Variants in ELL observed in about 807,000 individuals in gnomAD.
The protein encoded by ELL is RNA polymerase II elongation factor ELL.
ELL carries 18 observed loss-of-function variants against 64.0 expected under a neutral mutation model. The observed-to-expected ratio is 0.28, with a 90% CI of 0.19 to 0.42. ELL has a LOEUF of 0.42. Among genes scored for constraint, ELL ranks in the 10% least tolerant of loss-of-function variants. ELL has a pLI of 1.00. For missense variants in ELL, 797 were observed against 870.4 expected (o/e 0.92, Z 1.06); for synonymous variants, 399 against 376.2 (o/e 1.06, Z -0.70).
intron 1 of ELL, among the ~76,000 whole-genome samples, chr19:18,517,400 C>T (rs1450750055): frequency 1.3e-5 from 2 of 152,114 alleles, no homozygotes; most frequent in African/African-American, 4.8e-5. Context: ...AGGCATGCAC[C>T]ACCACGCCTG....
intron 5 of ELL, 131 bp downstream of exon 5, chr19:18,461,447 C>T: frequency 7.0e-7 from 1 of 1,419,460 alleles, no homozygotes; most frequent in South Asian, 1.4e-5. Context: ...GGTTCTGAAC[C>T]TGTGAGAGAC....
At chr19:18,487,113 C>G (rs773050992) in intron 1 of ELL, among the ~76,000 whole-genome samples, 1 of 152,084 alleles carries the variant, frequency 6.6e-6, no homozygotes, top group Non-Finnish European at 1.5e-5. Context: ...CTGCTCAGAC[C>G]CCGCTACCCC....
intron 6 of ELL, among the ~76,000 whole-genome samples, chr19:18,452,135 C>T (rs1974553142): frequency 6.6e-6 from 1 of 152,194 alleles, no homozygotes; most frequent in South Asian, 2.1e-4. Flanking sequence ...GGAAGAAACA[C>T]CCCAGTGCAT....
intron 5 of ELL, 73 bp from the exon 6 acceptor site, chr19:18,458,402 TAG>T: frequency 6.4e-7 from 1 of 1,564,330 alleles, no homozygotes; most frequent in Non-Finnish European, 8.7e-7. Flanking sequence ...AAAGATCTGA[TAG>T]TGGGTTTGGG....
intron 1 of ELL, among the ~76,000 whole-genome samples, chr19:18,503,530 C>G (rs867573590): frequency 1.3e-5 from 2 of 152,130 alleles, no homozygotes; most frequent in African/African-American, 4.8e-5. Context: ...TCCTCCTCAC[C>G]CGGCCCCACC....
chr19:18,506,643 T>C (rs1280284445), intron 1 of ELL, among the ~76,000 whole-genome samples: 2 of 152,162 alleles, frequency 1.3e-5, no homozygotes, highest in African/African-American at 4.8e-5. Flanking sequence ...GAGGATCACT[T>C]GAGCCCGGGA....
At chr19:18,456,450 C>A (rs1974676585) in intron 6 of ELL, among the ~76,000 whole-genome samples, 1 of 152,184 alleles carries the variant, frequency 6.6e-6, no homozygotes, top group Non-Finnish European at 1.5e-5. Flanking sequence ...CAGCAGTCCT[C>A]CTGGAGCCCT....
chr19:18,514,909 A>G (rs1031088909), intron 1 of ELL, among the ~76,000 whole-genome samples: 1 of 152,248 alleles, frequency 6.6e-6, no homozygotes, highest in African/African-American at 2.4e-5. Context: ...CTTCGAGCCC[A>G]GGGCTACGTG....
intron 2 of ELL, among the ~76,000 whole-genome samples, chr19:18,470,133 A>G (rs1198023592): frequency 1.3e-5 from 2 of 152,268 alleles, no homozygotes; most frequent in Admixed American, 6.5e-5. Context: ...CCTGGCCAAC[A>G]TGGCAAAACC....
rs202163999 is a variant in ELL, at chr19:18,465,838, G to T, written c.264C>A (p.Asn88Lys). 8.9e-6 allele frequency: 12 copies of T among 1,355,312 alleles called. No individual in the cohort carries two copies. The East Asian group carries it at 1.1e-4, about 12-fold the overall frequency. 84.0% of individuals were successfully genotyped at this position (1,355,312 alleles called of 1,614,324 possible). A position where few individuals can be genotyped will look rare whatever the true frequency, so the allele number is the denominator to read the frequency against. Residue 88 changes from asparagine to lysine, a missense_variant, in exon 3 of 12, where the codon AAC becomes AAA. By Grantham distance (94) the Asn-to-Lys change is moderately conservative. Transcript: ENST00000262809. ...SFYLSNIGRD[N>K]PQGSFDCIQQ... ...GGATGCAGTCGAAGCTGCCCTGGGGGTTGTCGCGGCCGATGTTGGAGAGGT... is the reference window on the plus strand; with the variant it reads ...GGATGCAGTCGAAGCTGCCCTGGGGTTTGTCGCGGCCGATGTTGGAGAGGT...
chr19:18,449,429 G>A lies in ELL; in HGVS notation c.1465+1048C>T, dbSNP rs1974477480. The stretch of plus-strand genomic sequence containing the variant: ...CCCCACATGCAGTCCCACGGGAGGT[G>A]GGAAGCCCAGCACGAGGCAGGGCTG... On this transcript the variant is annotated intron_variant, in intron 8 of 11. Transcript: ENST00000262809. This position sits in a 1 kb window ranked among gnomAD's most constrained non-coding sequence, Gnocchi z 4.4. 6.6e-6 allele frequency among the ~76,000 whole-genome samples: 1 copy of A among 152,128 alleles called. No individual in the cohort carries two copies. The highest frequency in any genetic ancestry group is 2.4e-5 in the African/African-American group (1 of 41,420).
intron 1 of ELL, among the ~76,000 whole-genome samples, chr19:18,500,697 T>C (rs1376128114): frequency 6.6e-6 from 1 of 152,154 alleles, no homozygotes; most frequent in Non-Finnish European, 1.5e-5. Flanking sequence ...CCGGGCAGCA[T>C]GGCAGAGGGT....
At chr19:18,519,838 A>G (rs1976220998) in intron 1 of ELL, among the ~76,000 whole-genome samples, 1 of 151,814 alleles carries the variant, frequency 6.6e-6, no homozygotes, top group Non-Finnish European at 1.5e-5. Context: ...AGAAAGAAAG[A>G]AAGAAAGTGG....
chr19:18,446,587 C>G, intron 9 of ELL, 107 bp from the exon 10 acceptor site: 1 of 1,510,038 alleles, frequency 6.6e-7, no homozygotes. Flanking sequence ...GGGTGATTCC[C>G]TGGATTATGA....
intron 1 of ELL, among the ~76,000 whole-genome samples, chr19:18,477,599 G>C (rs144262618): frequency 2.0e-5 from 3 of 152,150 alleles, no homozygotes; most frequent in African/African-American, 7.2e-5. Flanking sequence ...AGCCAGCCCC[G>C]ACACTGGGAG....
chr19:18,465,341 C>G lies in ELL; in HGVS notation c.469+71G>C, dbSNP rs1310399268. 5.9e-6 allele frequency: 9 copies of G among 1,518,878 alleles called. No individual in the cohort carries two copies. In the African/African-American group the frequency reaches 1.2e-4, roughly 21 times the overall value. The allele number at this position is 1,518,878 out of a possible 1,614,324, so 94.1% of individuals were successfully genotyped here. On this transcript the variant is annotated intron_variant, in intron 4 of 11. Coordinates refer to ENST00000262809, the MANE Select transcript of ELL (RefSeq NM_006532.4). ...GGGCACAGCCAGTGCCCAGCCTGGA[C>G]AGGCCCCAAATGTCTCCCGACACTG...
At chr19:18,488,994 C>G (rs1300257837) in intron 1 of ELL, among the ~76,000 whole-genome samples, 1 of 152,224 alleles carries the variant, frequency 6.6e-6, no homozygotes, top group Non-Finnish European at 1.5e-5. Context: ...ATCTGCAGAC[C>G]GACTTCCGTC....
intron 8 of ELL, chr19:18,448,769 C>T (rs1974467316): frequency 6.6e-6 from 1 of 152,238 alleles, no homozygotes; most frequent in Admixed American, 6.5e-5. Context: ...AAGTCCAGCC[C>T]TTGGCAAACC....
chr19:18,461,917 T>A, intron 4 of ELL, 65 bp from the exon 5 acceptor site: 1 of 1,555,118 alleles, frequency 6.4e-7, no homozygotes, highest in South Asian at 1.2e-5. Flanking sequence ...CCAGTGCTGC[T>A]GACCAGGTGC....
Sources: gnomAD v4.1 joint callset for allele counts (sites outside exome capture counted in the v4.1 genomes callset) on GRCh38, gnomAD v4.1.1 for gene constraint, Gnocchi (gnomAD v3.1) non-coding constraint, MANE v1.5 for transcripts, NCBI Gene and HGNC (gene_info 2026-07-23, HGNC 2026-07-21) for gene names.